The following TRAPPC3 variants were observed in gnomAD, a reference collection of about 807,000 sequenced individuals.
TRAPPC3 encodes trafficking protein particle complex 3.
In TRAPPC3, 5 loss-of-function variants were observed where a neutral mutation model predicts 18.2. That is an observed-to-expected ratio of 0.28 (90% CI 0.14 to 0.58). TRAPPC3 has a LOEUF of 0.58. Among genes scored for constraint, TRAPPC3 ranks in the 20% least tolerant of loss-of-function variants. TRAPPC3 has a pLI of 0.91. For missense variants in TRAPPC3, 176 were observed against 225.9 expected (o/e 0.78, Z 1.41); for synonymous variants, 65 against 84.2 (o/e 0.77, Z 1.25).
At chr1:36,140,223 G>GA in intron 1 of TRAPPC3, 57 bp from the exon 2 acceptor site, 1 of 1,142,312 alleles carries the variant, frequency 8.8e-7, no homozygotes, top group Non-Finnish European at 1.2e-6. Flanking sequence ...AAAGCGTGGT[G>GA]AGAGTCTGGA....
intron 2 of TRAPPC3, 92 bp from the exon 3 acceptor site, chr1:36,139,911 A>G: frequency 1.3e-6 from 2 of 1,550,308 alleles, no homozygotes; most frequent in Non-Finnish European, 1.7e-6. Context: ...AAATGGGGAT[A>G]ATCTCAAAAA....
At chr1:36,151,771 T>G (rs1644273093), upstream of TRAPPC3, among the ~76,000 whole-genome samples, 1 of 152,168 alleles carries the variant, frequency 6.6e-6, no homozygotes, top group Admixed American at 6.5e-5. Context: ...TCCTTCTCCC[T>G]AGAAAACAAC....
At chr1:36,137,452 T>C in intron 4 of TRAPPC3, 130 bp from the exon 5 acceptor site, 4 of 931,568 alleles carry the variant, frequency 4.3e-6, no homozygotes, top group Non-Finnish European at 4.8e-6. Context: ...AAGGACAAGA[T>C]TGACAGCGCC....
intron 3 of TRAPPC3, among the ~76,000 whole-genome samples, chr1:36,138,722 T>A (rs1476400582): frequency 6.6e-6 from 1 of 152,172 alleles, no homozygotes; most frequent in Non-Finnish European, 1.5e-5. Context: ...GCTCTTATTT[T>A]CTTCATGTTA....
At chr1:36,152,631 C>G (rs1212965928), upstream of TRAPPC3, among the ~76,000 whole-genome samples, 1 of 151,644 alleles carries the variant, frequency 6.6e-6, no homozygotes, top group Non-Finnish European at 1.5e-5. Flanking sequence ...TTAGTATACT[C>G]TTTTTTTAAA....
chr1:36,154,045 C>T (rs537248298), upstream of TRAPPC3, among the ~76,000 whole-genome samples: 66 of 152,232 alleles, frequency 4.3e-4, 1 homozygote, highest in African/African-American at 1.4e-3. Context: ...CATTCTGTTG[C>T]TCAGGCTGAA....
At chr1:36,142,214 T>C (rs943174491) in intron 1 of TRAPPC3, among the ~76,000 whole-genome samples, 2 of 152,022 alleles carry the variant, frequency 1.3e-5, no homozygotes, top group East Asian at 1.9e-4. Flanking sequence ...TGAACTCAAA[T>C]AAACAGTCAG....
intron 1 of TRAPPC3, among the ~76,000 whole-genome samples, chr1:36,145,574 A>G (rs908827355): frequency 6.6e-6 from 1 of 152,162 alleles, no homozygotes; most frequent in Non-Finnish European, 1.5e-5. Context: ...AGAGAAGGGC[A>G]GGTCTCATTG....
intron 1 of TRAPPC3, among the ~76,000 whole-genome samples, chr1:36,148,183 G>A (rs1047258540): frequency 6.6e-6 from 1 of 152,174 alleles, no homozygotes; most frequent in African/African-American, 2.4e-5. Flanking sequence ...TCTTTTGGCC[G>A]GGTGTGGTGG....
At chr1:36,148,992 G>A (rs1644240351) in intron 1 of TRAPPC3, 2 of 1,047,100 alleles carry the variant, frequency 1.9e-6, no homozygotes, top group African/African-American at 3.3e-5. Context: ...CATCTGATAG[G>A]GGCTACTCTG....
At chr1:36,140,218 G>A (rs766300044) in intron 1 of TRAPPC3, 52 bp from the exon 2 acceptor site, 19 of 1,215,946 alleles carry the variant, frequency 1.6e-5, no homozygotes, top group South Asian at 8.2e-5. Context: ...AAGAGAAAGC[G>A]TGGTGAGAGT....
intron 1 of TRAPPC3, chr1:36,140,460 A>G (rs1644090935): frequency 1.1e-5 from 3 of 283,832 alleles, no homozygotes; most frequent in African/African-American, 4.3e-5. Context: ...ACAGCTGTCA[A>G]GCCTAAGATC....
upstream of TRAPPC3, among the ~76,000 whole-genome samples, chr1:36,152,298 T>TC (rs1467549754): frequency 6.9e-6 from 1 of 144,044 alleles, no homozygotes; most frequent in East Asian, 1.9e-4. Flanking sequence ...TCTTTTTCTT[T>TC]TTTTTTTTTT....
In TRAPPC3 at chr1:36,149,182, C is replaced by T. The variant is rs1042658560; in HGVS notation, c.42+155G>A. On this transcript the variant is annotated intron_variant, in intron 1 of 4. Transcript: ENST00000373166. ...ACTTCTCCGACGGTCCCCTCACCTG[C>T]CTGGAACGCCCCCGGAGTGACCCAG... 8 of 1,487,674 alleles carry T rather than the reference C, an allele frequency of 5.4e-6. No homozygotes were observed. The African/African-American group carries it at 1.1e-4, about 21-fold the overall frequency. The allele number at this position is 1,487,674 out of a possible 1,614,324, so 92.2% of individuals were successfully genotyped here. A position where few individuals can be genotyped will look rare whatever the true frequency, so the allele number is the denominator to read the frequency against.
chr1:36,139,765 A>G lies in TRAPPC3; in HGVS notation c.195T>C (p.Val65=). 6.2e-7 allele frequency: 1 copy of G among 1,614,134 alleles called. No homozygotes were observed. The highest frequency in any genetic ancestry group is 8.5e-7 in the Non-Finnish European group (1 of 1,180,034). ...LIEDFLARSN[V]GRCHDFRETA... is the part of the protein sequence containing the mutation. ...TTTCCCGAAAGTCATGGCACCTCCC[A>G]ACATTTGACCGAGCCAAGAAATCTT... Residue 65 remains valine (V), a synonymous_variant, in exon 3 of 5, where the codon GTT becomes GTC. Transcript: ENST00000373166.
upstream of TRAPPC3, chr1:36,149,592 C>T (rs748215922): frequency 1.6e-5 from 10 of 618,594 alleles, no homozygotes; most frequent in Admixed American, 2.8e-5. Context: ...CACCCAACAG[C>T]CCCTTTGGCA....
intron 1 of TRAPPC3, among the ~76,000 whole-genome samples, chr1:36,148,349 C>G (rs770730783): frequency 6.6e-6 from 1 of 151,812 alleles, no homozygotes; most frequent in Admixed American, 6.6e-5. Flanking sequence ...AATCCCAGCA[C>G]TTTGGGAGGC....
chr1:36,151,300 A>C, upstream of TRAPPC3, among the ~76,000 whole-genome samples: 1 of 152,170 alleles, frequency 6.6e-6, no homozygotes, highest in East Asian at 1.9e-4. Flanking sequence ...AGGCAGGAGG[A>C]ACACTTTAGC....
intron 1 of TRAPPC3, among the ~76,000 whole-genome samples, chr1:36,143,400 G>C (rs1644145073): frequency 6.6e-6 from 1 of 152,316 alleles, no homozygotes; most frequent in Admixed American, 6.5e-5. Context: ...AGTATGCCTG[G>C]TGTGTTTGAG....
Sources: gnomAD v4.1 joint callset for allele counts (sites outside exome capture counted in the v4.1 genomes callset) on GRCh38, gnomAD v4.1.1 for gene constraint, MANE v1.5 for transcripts, NCBI Gene and HGNC (gene_info 2026-07-23, HGNC 2026-07-21) for gene names.